The following MSI2 variants were observed in gnomAD, a reference collection of about 807,000 sequenced individuals.
MSI2 encodes the protein RNA-binding protein Musashi homolog 2.
Under a neutral mutation model 45.6 loss-of-function variants are expected in MSI2, and 17 were observed. The ratio of observed to expected loss-of-function variants is 0.37; its 90% confidence interval spans 0.26 to 0.56. The LOEUF is 0.56. MSI2 is among the 20% of genes least tolerant of loss of function. MSI2 has a pLI of 0.77. For missense variants in MSI2, 293 were observed against 444.2 expected, an observed-to-expected ratio of 0.66 and a Z score of 3.06; for synonymous variants, 156 against 158.2, an observed-to-expected ratio of 0.99 and a Z score of 0.11.
At chr17:57,330,770 T>C (rs1914185234) in intron 5 of MSI2, among the ~76,000 whole-genome samples, 1 of 152,142 alleles carries the variant, frequency 6.6e-6, no homozygotes, top group African/African-American at 2.4e-5. Flanking sequence ...TGTGCAGTGG[T>C]AGAACGAGCA....
At chr17:57,381,989 A>C (rs984679937) in intron 5 of MSI2, among the ~76,000 whole-genome samples, 1 of 152,258 alleles carries the variant, frequency 6.6e-6, no homozygotes, top group Non-Finnish European at 1.5e-5. Flanking sequence ...CCTTCAAGGA[A>C]CTTAAACCTA....
At chr17:57,426,594 TC>T (rs1438382292) in intron 6 of MSI2, among the ~76,000 whole-genome samples, 1 of 152,248 alleles carries the variant, frequency 6.6e-6, no homozygotes, top group Admixed American at 6.5e-5. Context: ...TTTATTTTTT[TC>T]ATTCAGTAGT....
chr17:57,541,037 C>T (rs2087034244), intron 7 of MSI2, among the ~76,000 whole-genome samples: 1 of 152,126 alleles, frequency 6.6e-6, no homozygotes, highest in Admixed American at 6.5e-5. Flanking sequence ...GAGAAAAGAC[C>T]TTTCATGCAA....
chr17:57,355,937 A>G (rs926924449), intron 5 of MSI2, among the ~76,000 whole-genome samples: 1 of 152,234 alleles, frequency 6.6e-6, no homozygotes, highest in Non-Finnish European at 1.5e-5. Context: ...CGATGGCACA[A>G]TCTCAGCTCC....
At chr17:57,481,356 T>C (rs780584610) in intron 6 of MSI2, among the ~76,000 whole-genome samples, 2 of 152,260 alleles carry the variant, frequency 1.3e-5, no homozygotes, top group Non-Finnish European at 2.9e-5. Flanking sequence ...TCTGCTTTCA[T>C]TGTATTGTCT....
At chr17:57,473,079 G>GT (rs2085470835) in intron 6 of MSI2, among the ~76,000 whole-genome samples, 1 of 152,138 alleles carries the variant, frequency 6.6e-6, no homozygotes, top group Admixed American at 6.5e-5. Context: ...TTTTAGTAGA[G>GT]ACGGGGTTTC....
chr17:57,419,295 T>C (rs769630124), intron 6 of MSI2, among the ~76,000 whole-genome samples: 1 of 152,070 alleles, frequency 6.6e-6, no homozygotes, highest in Non-Finnish European at 1.5e-5. Context: ...TGGCTAAATA[T>C]TAGAGTGACC....
At chr17:57,479,760 C>T (rs1269410220) in intron 6 of MSI2, among the ~76,000 whole-genome samples, 1 of 152,180 alleles carries the variant, frequency 6.6e-6, no homozygotes, top group Non-Finnish European at 1.5e-5. Flanking sequence ...ATCTGAGCTG[C>T]CATCCCTGAG....
intron 6 of MSI2, among the ~76,000 whole-genome samples, chr17:57,474,794 T>C (rs1297163732): frequency 1.3e-5 from 2 of 152,132 alleles, no homozygotes; most frequent in African/African-American, 4.8e-5. Context: ...TCTCAGCTCA[T>C]TGCAACCTCC....
chr17:57,281,313 T>C (rs1909396804), intron 5 of MSI2, among the ~76,000 whole-genome samples: 1 of 152,200 alleles, frequency 6.6e-6, no homozygotes, highest in Non-Finnish European at 1.5e-5. Flanking sequence ...GCACCTCTAC[T>C]ACCTGCAACG....
chr17:57,598,939 A>C (rs191611173), intron 8 of MSI2, among the ~76,000 whole-genome samples: 32 of 152,366 alleles, frequency 2.1e-4, no homozygotes, highest in Non-Finnish European at 1.3e-4. Flanking sequence ...CTGGGATTAC[A>C]GGCATGAGCC....
At chr17:57,465,437 CCTGGGTTTTTTCAGAAGCTG>C (rs1259256623) in intron 6 of MSI2, among the ~76,000 whole-genome samples, 6 of 152,292 alleles carry the variant, frequency 3.9e-5, no homozygotes, top group Admixed American at 3.3e-4. Flanking sequence ...TAGATCCCTG[CCTGGGTTTTTTCAGAAGCTG>C]CTTTGTGTTT....
At chr17:57,470,433 A>C (rs1174987597) in intron 6 of MSI2, among the ~76,000 whole-genome samples, 1 of 152,080 alleles carries the variant, frequency 6.6e-6, no homozygotes, top group African/African-American at 2.4e-5. Flanking sequence ...ATGCACCACC[A>C]TGCCTGGCTA....
intron 8 of MSI2, among the ~76,000 whole-genome samples, chr17:57,605,960 C>G (rs1906523174): frequency 6.6e-6 from 1 of 152,226 alleles, no homozygotes; most frequent in Non-Finnish European, 1.5e-5. Context: ...TTGAAATGCC[C>G]TTGCAGGTTC....
At chr17:57,586,920 T>C (rs1467114042) in intron 7 of MSI2, among the ~76,000 whole-genome samples, 2 of 152,048 alleles carry the variant, frequency 1.3e-5, no homozygotes, top group Admixed American at 1.3e-4. Flanking sequence ...TGTGGAGAGT[T>C]CTAGATTCTC....
At chr17:57,593,868 G>A (rs1048562008) in intron 7 of MSI2, among the ~76,000 whole-genome samples, 2 of 152,150 alleles carry the variant, frequency 1.3e-5, no homozygotes, top group Non-Finnish European at 2.9e-5. Context: ...GGGTGAGAGG[G>A]AGACGCTGTC....
chr17:57,503,953 C>G (rs2086171512), intron 6 of MSI2, among the ~76,000 whole-genome samples: 1 of 152,188 alleles, frequency 6.6e-6, no homozygotes, highest in Non-Finnish European at 1.5e-5. Flanking sequence ...TCACGCTGGT[C>G]TCGAACTCCT....
intron 7 of MSI2, among the ~76,000 whole-genome samples, chr17:57,595,369 C>T (rs879512123): frequency 2.0e-5 from 3 of 151,022 alleles, no homozygotes; most frequent in Non-Finnish European, 4.4e-5. Context: ...GTGTGTCTGG[C>T]TTAGTGTTCA....
chr17:57,692,064 G>T, the MSI2 span, among the ~76,000 whole-genome samples: 19 of 152,270 alleles, frequency 1.2e-4, no homozygotes, highest in African/African-American at 4.1e-4. Flanking sequence ...CAGCATAAAT[G>T]GATGTTTAAT....
Sources: allele counts gnomAD v4.1 joint callset (sites outside exome capture counted in the v4.1 genomes callset), GRCh38; gene constraint gnomAD v4.1.1; transcripts MANE v1.5; gene names NCBI Gene and HGNC (gene_info 2026-07-23, HGNC 2026-07-21).